Variants in FBXO34 observed in about 807,000 individuals in gnomAD.
The protein encoded by FBXO34 is F-box only protein 34.
FBXO34 carries 12 observed loss-of-function variants against 24.5 expected under a neutral mutation model. The ratio of observed to expected loss-of-function variants is 0.49; its 90% CI spans 0.31 to 0.79. FBXO34 has a LOEUF of 0.79. Among genes scored for constraint, FBXO34 ranks in the 30% least tolerant of loss-of-function variants. The pLI is 0.04. For synonymous variants in FBXO34, 320 were observed against 311.9 expected (o/e 1.03, Z -0.27); for missense variants, 823 against 857.7 (o/e 0.96, Z 0.51).
At chr14:55,338,921 CA>C (rs59912336) in intron 1 of FBXO34, among the ~76,000 whole-genome samples, 89 of 134,486 alleles carry the variant, frequency 6.6e-4, no homozygotes, top group Non-Finnish European at 7.9e-4. Flanking sequence ...CAAAAAAAAA[CA>C]AAAAAAAAAA....
chr14:55,441,673 G>T, the FBXO34 span, among the ~76,000 whole-genome samples: 2 of 152,172 alleles, frequency 1.3e-5, no homozygotes, highest in Non-Finnish European at 2.9e-5. Context: ...CATTCAGAGA[G>T]GGTTTCTCTT....
At chr14:55,433,874 AATG>A in the FBXO34 span, among the ~76,000 whole-genome samples, 2 of 152,226 alleles carry the variant, frequency 1.3e-5, no homozygotes, top group Non-Finnish European at 2.9e-5. Context: ...TAACAAAAAT[AATG>A]ATGATTCTAA....
chr14:55,369,423 A>G (rs886090280), downstream of FBXO34: 27 of 469,234 alleles, frequency 5.8e-5, no homozygotes, highest in Non-Finnish European at 8.7e-5. Flanking sequence ...CTTAATTATC[A>G]TAAGCATGTT....
downstream of FBXO34, chr14:55,369,972 A>T (rs772478901): frequency 1.3e-5 from 20 of 1,514,938 alleles, no homozygotes; most frequent in Non-Finnish European, 1.8e-5. Flanking sequence ...ACCATTCTCA[A>T]CACCAGAAAA....
chr14:55,363,007 C>T (rs1312051834), downstream of FBXO34, among the ~76,000 whole-genome samples: 3 of 140,828 alleles, frequency 2.1e-5, no homozygotes, highest in African/African-American at 7.7e-5. Flanking sequence ...CCACAGGACC[C>T]CTTTTTTCTC....
At chr14:55,407,425 G>C in the FBXO34 span, among the ~76,000 whole-genome samples, 1 of 151,628 alleles carries the variant, frequency 6.6e-6, no homozygotes, top group Non-Finnish European at 1.5e-5. Flanking sequence ...CACTGCCCCC[G>C]GCCTCATTTT....
chr14:55,327,908 GTTT>G (rs386381425), intron 1 of FBXO34, among the ~76,000 whole-genome samples: 76 of 48,698 alleles, frequency 1.6e-3, no homozygotes, highest in African/African-American at 6.0e-3. Flanking sequence ...GTTGTTGTTG[GTTT>G]TTTTTTTTTT....
At chr14:55,314,798 A>C (rs1333989083) in intron 1 of FBXO34, among the ~76,000 whole-genome samples, 3 of 152,208 alleles carry the variant, frequency 2.0e-5, no homozygotes, top group Non-Finnish European at 4.4e-5. Flanking sequence ...TTTTCATTGA[A>C]GTATTAAATG....
chr14:55,357,469 T>C (rs1204806421), downstream of FBXO34, among the ~76,000 whole-genome samples: 1 of 152,232 alleles, frequency 6.6e-6, no homozygotes, highest in East Asian at 1.9e-4. Flanking sequence ...CCCCCTCTCA[T>C]TCTTTTTGAA....
chr14:55,299,845 CAT>C (rs1168881980), intron 1 of FBXO34, among the ~76,000 whole-genome samples: 1 of 152,182 alleles, frequency 6.6e-6, no homozygotes, highest in Non-Finnish European at 1.5e-5. Flanking sequence ...AAGAAACCCT[CAT>C]GTACTTATCA....
At chr14:55,367,035 T>C (rs1375390987) in intron 2 of FBXO34, 1 of 152,658 alleles carries the variant, frequency 6.6e-6, no homozygotes, top group Non-Finnish European at 1.5e-5. Context: ...TGCCTCTAGT[T>C]GATATTAACA....
intron 1 of FBXO34, among the ~76,000 whole-genome samples, chr14:55,345,852 A>C (rs182465492): frequency 6.6e-6 from 1 of 151,960 alleles, no homozygotes; most frequent in African/African-American, 2.4e-5. Flanking sequence ...AAATTTTTAA[A>C]AAGATTAGCT....
At chr14:55,345,948 G>A (rs1269675644) in intron 1 of FBXO34, among the ~76,000 whole-genome samples, 2 of 152,198 alleles carry the variant, frequency 1.3e-5, no homozygotes, top group Non-Finnish European at 2.9e-5. Flanking sequence ...TGAGGCTGCA[G>A]TGAGCCAAGA....
chr14:55,429,463 C>T, the FBXO34 span, among the ~76,000 whole-genome samples: 3 of 152,106 alleles, frequency 2.0e-5, no homozygotes, highest in Admixed American at 6.5e-5. Context: ...AAAGTATGTC[C>T]CATTTAGAAG....
chr14:55,292,963 G>C (rs931482399), intron 1 of FBXO34, among the ~76,000 whole-genome samples: 9 of 152,100 alleles, frequency 5.9e-5, no homozygotes, highest in Non-Finnish European at 1.3e-4. Flanking sequence ...CCTTACTGCA[G>C]CCTCCATCTC....
intron 1 of FBXO34, among the ~76,000 whole-genome samples, chr14:55,347,436 GCTTT>G (rs1327041302): frequency 6.6e-6 from 1 of 152,184 alleles, no homozygotes; most frequent in East Asian, 1.9e-4. Context: ...CTTGCCAACA[GCTTT>G]CTATTTTCTG....
Position 55,343,662 on chromosome 14 carries a change from A to G in FBXO34, c.-10-6719A>G, listed in dbSNP as rs537605016. 1.3e-4 allele frequency among the ~76,000 whole-genome samples: 20 copies of G among 152,352 alleles called. 2 individuals are homozygous for G. In the South Asian group the frequency reaches 2.7e-3, roughly 21 times the overall value. On this transcript the variant is annotated intron_variant, in intron 1 of 1. Coordinates refer to ENST00000313833, the MANE Select transcript of FBXO34 (RefSeq NM_017943.4). ...AGCAGAAAGAAACATGAACTGTCGT[A>G]TCTTCTAACTTGTTTTGATAAGCAA...
At chr14:55,385,882 G>A in the FBXO34 span, 30 of 1,611,832 alleles carry the variant, frequency 1.9e-5, no homozygotes, top group East Asian at 8.9e-5. Context: ...TTACTTCCTC[G>A]ATTGGAAAAA....
intron 3 of FBXO34, among the ~76,000 whole-genome samples, chr14:55,359,311 G>A (rs1413854944): frequency 6.6e-6 from 1 of 152,052 alleles, no homozygotes; most frequent in Admixed American, 6.6e-5. Flanking sequence ...TCCCTAGGAG[G>A]CCCTAAATGC....
Sources: gnomAD v4.1 joint callset for allele counts (sites outside exome capture counted in the v4.1 genomes callset) on GRCh38, gnomAD v4.1.1 for gene constraint, MANE v1.5 for transcripts, NCBI Gene and HGNC (gene_info 2026-07-23, HGNC 2026-07-21) for gene names.